CPLX1: variants seen among roughly 807,000 people sequenced by gnomAD.
CPLX1 encodes the protein complexin 1.
Under a neutral mutation model 15.6 loss-of-function variants are expected in CPLX1, and 6 were observed. That is an observed-to-expected ratio of 0.39 (90% confidence interval 0.21 to 0.76). The LOEUF is 0.76. Ranked by LOEUF, CPLX1 falls within the 30% of genes least tolerant of loss-of-function variation. CPLX1 has a pLI of 0.43. For missense variants in CPLX1, 242 were observed against 188.6 expected, an observed-to-expected ratio of 1.28 and a Z score of -1.66; for synonymous variants, 91 against 75.2, an observed-to-expected ratio of 1.21 and a Z score of -1.08.
intron 1 of CPLX1, among the ~76,000 whole-genome samples, chr4:825,548 C>G (rs968574258): frequency 6.6e-6 from 1 of 151,976 alleles, no homozygotes; most frequent in Non-Finnish European, 1.5e-5. Flanking sequence ...CGCACCCGCA[C>G]CCCTCGGCTT....
At chr4:823,314 C>T (rs1336728918) in intron 2 of CPLX1, among the ~76,000 whole-genome samples, 1 of 152,182 alleles carries the variant, frequency 6.6e-6, no homozygotes, top group Non-Finnish European at 1.5e-5. Flanking sequence ...GGCTCAATAT[C>T]TTTTCATTTA....
intron 2 of CPLX1, among the ~76,000 whole-genome samples, chr4:815,137 G>A (rs1011279028): frequency 3.3e-5 from 5 of 152,212 alleles, no homozygotes; most frequent in Non-Finnish European, 5.9e-5. Flanking sequence ...GGGGTCAGGC[G>A]TGGTGGCTCA....
chr4:805,014 G>T (rs1173694788), intron 2 of CPLX1: 8 of 793,766 alleles, frequency 1.0e-5, no homozygotes, highest in Non-Finnish European at 1.2e-5. Context: ...ACGTGCCCAC[G>T]CACGCTCGCG....
intron 2 of CPLX1, among the ~76,000 whole-genome samples, chr4:796,247 A>T (rs975676049): frequency 2.6e-5 from 4 of 152,238 alleles, no homozygotes; most frequent in African/African-American, 9.6e-5. Flanking sequence ...CAAAGATTGT[A>T]TAAGAGGGCT....
rs535615361 is a variant in CPLX1 at position 803,607 on chromosome 4, G to C, written c.32-10999C>G. 2.9e-4 allele frequency among the ~76,000 whole-genome samples: 43 copies of C among 147,984 alleles called. No individual in the cohort carries two copies. The South Asian group carries it at 9.0e-3, about 31-fold the overall frequency. ...AGAGACGGGGTTTCACCGTGGTCTC[G>C]ATCTCCTGACCTCGTGATCTGCCCG... is the stretch of plus-strand genomic sequence containing the variant. On this transcript the variant is annotated intron_variant, in intron 2 of 3. Transcript: ENST00000304062.
intron 2 of CPLX1, among the ~76,000 whole-genome samples, chr4:802,931 T>A (rs986927228): frequency 2.0e-5 from 3 of 148,120 alleles, no homozygotes; most frequent in Non-Finnish European, 4.4e-5. Context: ...AGCCTGAGCA[T>A]TAGAGTGAGA....
chr4:808,233 T>C (rs930318196), intron 2 of CPLX1, among the ~76,000 whole-genome samples: 1 of 150,284 alleles, frequency 6.7e-6, no homozygotes, highest in Non-Finnish European at 1.5e-5. Flanking sequence ...CCTGGCTCAA[T>C]AAATACATAA....
intron 2 of CPLX1, chr4:805,021 C>G (rs1471550506): frequency 1.0e-5 from 8 of 789,348 alleles, no homozygotes; most frequent in Non-Finnish European, 1.2e-5. Flanking sequence ...CACGCACGCT[C>G]GCGCACCGTC....
chr4:804,217 T>TAA (rs965437651), intron 2 of CPLX1, among the ~76,000 whole-genome samples: 1 of 152,208 alleles, frequency 6.6e-6, no homozygotes. Flanking sequence ...GACAGCCAAT[T>TAA]ATCTCTTTCT....
chr4:792,979 A>G (rs1746230049), intron 2 of CPLX1, among the ~76,000 whole-genome samples: 1 of 152,034 alleles, frequency 6.6e-6, no homozygotes, highest in Admixed American at 6.5e-5. Flanking sequence ...ACGTGGTCGT[A>G]CATCTGTATG....
At chr4:816,593 A>G (rs1363125159) in intron 2 of CPLX1, among the ~76,000 whole-genome samples, 1 of 152,118 alleles carries the variant, frequency 6.6e-6, no homozygotes, top group East Asian at 1.9e-4. Flanking sequence ...ATTTTCTCAT[A>G]TCACTTCTTT....
At chr4:813,934 C>G (rs1439013878) in intron 2 of CPLX1, among the ~76,000 whole-genome samples, 1 of 152,232 alleles carries the variant, frequency 6.6e-6, no homozygotes, top group Non-Finnish European at 1.5e-5. Context: ...CAGGGAAAGT[C>G]TCTGACACAA....
At chr4:820,748 G>A (rs1268560820) in intron 2 of CPLX1, among the ~76,000 whole-genome samples, 1 of 107,118 alleles carries the variant, frequency 9.3e-6, no homozygotes, top group African/African-American at 3.1e-5. Context: ...CCAGCCTCAC[G>A]TGAACCCCCA....
intron 2 of CPLX1, chr4:804,706 T>A: frequency 2.0e-6 from 2 of 981,746 alleles, no homozygotes; most frequent in Non-Finnish European, 2.4e-6. Context: ...ATGGCAGAAT[T>A]GATGTCAGAG....
intron 2 of CPLX1, among the ~76,000 whole-genome samples, chr4:808,158 A>C (rs1410786869): frequency 6.6e-6 from 1 of 152,264 alleles, no homozygotes; most frequent in Admixed American, 6.5e-5. Flanking sequence ...TGTCTCAGCT[A>C]CCTGGGAGGC....
intron 2 of CPLX1, among the ~76,000 whole-genome samples, chr4:819,304 A>AG (rs1746817699): frequency 6.6e-6 from 1 of 152,240 alleles, no homozygotes; most frequent in Non-Finnish European, 1.5e-5. Flanking sequence ...GTTGCAGCTT[A>AG]ATCAACCAAG....
chr4:787,087 AAC>A (rs1293238602), intron 3 of CPLX1: 8 of 985,184 alleles, frequency 8.1e-6, no homozygotes, highest in Admixed American at 6.1e-5. Flanking sequence ...GGTGGGGAGA[AAC>A]AGTCAACCCG....
At chr4:786,930 G>A in intron 3 of CPLX1, 4 of 979,316 alleles carry the variant, frequency 4.1e-6, no homozygotes, top group South Asian at 9.4e-5. Context: ...GGGGGAGCAG[G>A]GAGGGGGAGG....
At chr4:792,639 C>G in intron 2 of CPLX1, 31 bp from the exon 3 acceptor site, 1 of 1,594,312 alleles carries the variant, frequency 6.3e-7, no homozygotes, top group Non-Finnish European at 8.6e-7. Flanking sequence ...TCAGACCGCC[C>G]CATTCAGATG....
Sources: gnomAD v4.1 joint callset for allele counts (sites outside exome capture counted in the v4.1 genomes callset) on GRCh38, gnomAD v4.1.1 for gene constraint, MANE v1.5 for transcripts, NCBI Gene and HGNC (gene_info 2026-07-23, HGNC 2026-07-21) for gene names.